CNBD1: variants seen among roughly 807,000 people sequenced by gnomAD.
CNBD1 encodes cyclic nucleotide binding domain containing 1.
Under a neutral mutation model 54.4 loss-of-function variants are expected in CNBD1, and 71 were observed. That is an observed-to-expected ratio of 1.30 (90% CI 1.08 to 1.59). The LOEUF (loss-of-function observed/expected upper bound fraction) is 1.59. Among genes scored for constraint, CNBD1 ranks in the 40% most tolerant of loss-of-function variants. The pLI, the probability that CNBD1 is intolerant of heterozygous loss-of-function variation, is 0.00. For synonymous variants in CNBD1, 182 were observed against 170.7 expected (o/e 1.07, Z -0.51); for missense variants, 659 against 518.0 (o/e 1.27, Z -2.64).
At chr8:87,264,382 T>C (rs372072695) in intron 6 of CNBD1, among the ~76,000 whole-genome samples, 1 of 152,234 alleles carries the variant, frequency 6.6e-6, no homozygotes, top group Non-Finnish European at 1.5e-5. Flanking sequence ...CCACATTTTC[T>C]TAATCCAGTC....
chr8:87,058,020 A>T (rs1314715934), intron 4 of CNBD1, among the ~76,000 whole-genome samples: 2 of 152,154 alleles, frequency 1.3e-5, no homozygotes, highest in African/African-American at 2.4e-5. Flanking sequence ...CAAATTAATT[A>T]CTTACTAGAT....
At chr8:87,020,382 GA>G (rs1328471681) in intron 4 of CNBD1, among the ~76,000 whole-genome samples, 1 of 152,078 alleles carries the variant, frequency 6.6e-6, no homozygotes, top group African/African-American at 2.4e-5. Context: ...CTAGTGCCAT[GA>G]AACCTCACCA....
intron 10 of CNBD1, among the ~76,000 whole-genome samples, chr8:87,376,433 G>A (rs771813640): frequency 2.2e-4 from 34 of 151,976 alleles, no homozygotes; most frequent in Admixed American, 1.5e-3. Flanking sequence ...CACATTGGAC[G>A]TTAGGATTTC....
At chr8:87,113,173 GTCAAGGGCAATTCT>G in intron 4 of CNBD1, among the ~76,000 whole-genome samples, 1 of 152,248 alleles carries the variant, frequency 6.6e-6, no homozygotes, top group East Asian at 1.9e-4. Flanking sequence ...GCTAATGCCA[GTCAAGGGCAATTCT>G]TCAGAGAAGA....
intron 6 of CNBD1, among the ~76,000 whole-genome samples, chr8:87,270,546 G>A (rs1808341555): frequency 6.6e-6 from 1 of 151,818 alleles, no homozygotes; most frequent in African/African-American, 2.4e-5. Flanking sequence ...ATTGTGGAAA[G>A]CAGTGTGGTG....
At chr8:87,140,339 A>G (rs938504520) in intron 4 of CNBD1, among the ~76,000 whole-genome samples, 22 of 152,206 alleles carry the variant, frequency 1.4e-4, no homozygotes, top group Admixed American at 1.2e-3. Context: ...TTGCAGAGAT[A>G]GGTTATAGAT....
intron 10 of CNBD1, among the ~76,000 whole-genome samples, chr8:87,355,105 C>T (rs1810395870): frequency 6.6e-6 from 1 of 152,128 alleles, no homozygotes; most frequent in Non-Finnish European, 1.5e-5. Flanking sequence ...AGATATTTCA[C>T]AGACAAATTG....
chr8:87,421,628 T>C (rs1443108463), intron 2 of CNBD1, among the ~76,000 whole-genome samples: 1 of 152,080 alleles, frequency 6.6e-6, no homozygotes, highest in Non-Finnish European at 1.5e-5. Flanking sequence ...GGCTGCATAG[T>C]ATTCCACGGT....
intron 1 of CNBD1, among the ~76,000 whole-genome samples, chr8:86,877,535 G>C (rs949702330): frequency 2.0e-5 from 3 of 152,114 alleles, no homozygotes; most frequent in African/African-American, 7.2e-5. Context: ...AGAAGTCTGT[G>C]ACCAAAGTTT....
intron 4 of CNBD1, among the ~76,000 whole-genome samples, chr8:87,143,075 A>G (rs1812404871): frequency 6.6e-6 from 1 of 152,108 alleles, no homozygotes; most frequent in Admixed American, 6.5e-5. Flanking sequence ...TACCTTGTTT[A>G]TTATAGTTAA....
At chr8:87,031,762 A>G (rs1386749702) in intron 4 of CNBD1, among the ~76,000 whole-genome samples, 1 of 152,054 alleles carries the variant, frequency 6.6e-6, no homozygotes, top group Admixed American at 6.6e-5. Flanking sequence ...TATTTTTGAG[A>G]TGGAGTCTCG....
chr8:86,982,256 AT>A (rs1381559817), intron 4 of CNBD1, among the ~76,000 whole-genome samples: 1 of 151,964 alleles, frequency 6.6e-6, no homozygotes, highest in Non-Finnish European at 1.5e-5. Flanking sequence ...ACTTTTATGA[AT>A]TTTTTATGTA....
intron 6 of CNBD1, among the ~76,000 whole-genome samples, chr8:87,284,267 T>C (rs564208853): frequency 6.6e-6 from 1 of 152,260 alleles, no homozygotes; most frequent in South Asian, 2.1e-4. Flanking sequence ...ATATTAATGG[T>C]TTATATACTG....
chr8:87,425,271 C>T lies in CNBD1; in HGVS notation c.214-3275C>T, dbSNP rs556442011. ...CTTCTTTGCCTTTGGTTTGAATGTC[C>T]TCCCGTAGCTCAGAGTAATTTGATC... On this transcript the variant is annotated intron_variant, in intron 2 of 7. Coordinates refer to the CNBD1 transcript ENST00000521593. Among the ~76,000 whole-genome samples the T allele has an allele frequency of 9.7e-3, 1,480 of 152,136 alleles. 21 individuals carry two copies. Among genetic ancestry groups the T allele is most frequent in the African/African-American group, 0.033 (1,364 of 41,488 alleles).
chr8:87,304,138 A>G (rs1475914667), intron 8 of CNBD1, among the ~76,000 whole-genome samples: 1 of 152,010 alleles, frequency 6.6e-6, no homozygotes, highest in Non-Finnish European at 1.5e-5. Context: ...ATTACTGGGT[A>G]TATACCCAAA....
At chr8:86,911,360 A>G (rs1203680987) in intron 3 of CNBD1, among the ~76,000 whole-genome samples, 1 of 152,200 alleles carries the variant, frequency 6.6e-6, no homozygotes, top group Non-Finnish European at 1.5e-5. Context: ...TTTAGCTCCC[A>G]TATCAAAAGT....
chr8:87,256,013 A>ATTTTT (rs1808014014), intron 6 of CNBD1, among the ~76,000 whole-genome samples: 9 of 18,172 alleles, frequency 5.0e-4, no homozygotes, highest in Non-Finnish European at 7.7e-4. Flanking sequence ...ATATATATAT[A>ATTTTT]TATTTTTTTT....
chr8:86,952,375 T>A (rs1004775459), intron 4 of CNBD1, among the ~76,000 whole-genome samples: 5 of 152,158 alleles, frequency 3.3e-5, no homozygotes, highest in Admixed American at 2.6e-4. Context: ...TGCCTATATT[T>A]TCTACTGTGC....
intron 4 of CNBD1, among the ~76,000 whole-genome samples, chr8:86,963,993 G>C (rs1363068128): frequency 2.0e-5 from 3 of 152,180 alleles, no homozygotes; most frequent in African/African-American, 4.8e-5. Context: ...GAGCCTGCAA[G>C]TTGGTTATTA....
Sources: gnomAD v4.1 joint callset for allele counts (sites outside exome capture counted in the v4.1 genomes callset) on GRCh38, gnomAD v4.1.1 for gene constraint, MANE v1.5 for transcripts, NCBI Gene and HGNC (gene_info 2026-07-23, HGNC 2026-07-21) for gene names.